Variants in TAFA2 observed in about 807,000 individuals in gnomAD.
TAFA2 encodes TAFA chemokine like family member 2.
A neutral mutation model predicts 18.8 loss-of-function variants in TAFA2; 7 were observed. That is an observed-to-expected ratio of 0.37 (90% CI 0.21 to 0.70). The LOEUF (loss-of-function observed/expected upper bound fraction) is 0.70. Among genes scored for constraint, TAFA2 ranks in the 30% least tolerant of loss-of-function variants. TAFA2 has a pLI of 0.53. For missense variants in TAFA2, 122 were observed against 158.1 expected (o/e 0.77, Z 1.23); for synonymous variants, 60 against 54.2 (o/e 1.11, Z -0.47).
intron 1 of TAFA2, among the ~76,000 whole-genome samples, chr12:62,175,490 A>G (rs2062506433): frequency 6.6e-6 from 1 of 152,180 alleles, no homozygotes; most frequent in Non-Finnish European, 1.5e-5. Context: ...TGCTCTGATT[A>G]TATTATCATT....
chr12:62,095,138 G>A (rs923309120), intron 1 of TAFA2, among the ~76,000 whole-genome samples: 4 of 151,830 alleles, frequency 2.6e-5, no homozygotes, highest in Admixed American at 1.3e-4. Flanking sequence ...ATTATTATAC[G>A]GTCTTAGAAA....
At chr12:61,972,358 A>G (rs575501944) in intron 1 of TAFA2, among the ~76,000 whole-genome samples, 1 of 151,620 alleles carries the variant, frequency 6.6e-6, no homozygotes, top group South Asian at 2.1e-4. Flanking sequence ...TACTACCTAT[A>G]GAAATGGAAA....
At position 61,807,240 on chromosome 12, in the gene TAFA2, G is replaced by A. The variant is rs145879208; in HGVS notation, c.107-52216C>T. On this transcript the variant is annotated intron_variant, in intron 2 of 4. Coordinates refer to ENST00000416284, the MANE Select transcript of TAFA2 (RefSeq NM_178539.5). ...GTACTGTGTCCCAGCTGCTCCAGCC[G>A]TGGCTGAAATGCGCCAATGTAAAGC... is the stretch of plus-strand genomic sequence containing the variant. Among the ~76,000 whole-genome samples, 985 of 151,504 alleles carry A rather than the reference G, an allele frequency of 6.5e-3. 13 individuals are homozygous for A. The highest frequency in any genetic ancestry group is 9.5e-3 in the Non-Finnish European group (648 of 68,024).
At chr12:62,083,704 T>C (rs1332608439) in intron 1 of TAFA2, among the ~76,000 whole-genome samples, 1 of 152,150 alleles carries the variant, frequency 6.6e-6, no homozygotes, top group Non-Finnish European at 1.5e-5. Context: ...GAGAAATGTG[T>C]CTTACACTTT....
intron 1 of TAFA2, among the ~76,000 whole-genome samples, chr12:62,088,584 AAACAGCCCTGTAG>A (rs78204046): frequency 0.22 from 32,829 of 146,892 alleles, 3,926 homozygotes; most frequent in Admixed American, 0.27. Flanking sequence ...ACTCTCGGGG[AAACAGCCCTGTAG>A]AGGGCCTGGA....
chr12:61,710,187 C>T lies in TAFA2; in HGVS notation c.*219G>A, dbSNP rs1869327511. On this transcript the variant is annotated 3_prime_UTR_variant, in exon 5 of 5. Coordinates refer to ENST00000416284, the MANE Select transcript of TAFA2 (RefSeq NM_178539.5). Reference sequence around the variant, plus strand: ...CTTTTAACAATTTACAAGTTGAACACAGTTCAAATCTGCTGAAATCTTCAT... The same window carrying T: ...CTTTTAACAATTTACAAGTTGAACATAGTTCAAATCTGCTGAAATCTTCAT... The T allele has an allele frequency of 2.0e-6, 1 of 501,738 alleles. No individual in the cohort carries two copies. Among genetic ancestry groups the T allele is most frequent in the Middle Eastern group, 3.0e-4 (1 of 3,384 alleles). 31.1% of individuals were successfully genotyped at this position (501,738 alleles called of 1,614,324 possible). A position where few individuals can be genotyped will look rare whatever the true frequency, so the allele number is the denominator to read the frequency against.
At chr12:61,821,348 A>T (rs1366941973) in intron 2 of TAFA2, among the ~76,000 whole-genome samples, 1 of 152,094 alleles carries the variant, frequency 6.6e-6, no homozygotes, top group Non-Finnish European at 1.5e-5. Context: ...GTTCCTTTTC[A>T]TAGCTAATCT....
intron 2 of TAFA2, among the ~76,000 whole-genome samples, chr12:61,853,647 A>T (rs1873769172): frequency 6.6e-6 from 1 of 152,188 alleles, no homozygotes; most frequent in East Asian, 1.9e-4. Context: ...AAGCTGTCTG[A>T]GAGGCAATTA....
chr12:61,959,210 T>G (rs1165162300), intron 1 of TAFA2, among the ~76,000 whole-genome samples: 1 of 152,002 alleles, frequency 6.6e-6, no homozygotes, highest in African/African-American at 2.4e-5. Flanking sequence ...ATTAAAAAAT[T>G]TGTTGGATTT....
chr12:62,103,168 G>T (rs191219737), intron 1 of TAFA2, among the ~76,000 whole-genome samples: 4 of 152,250 alleles, frequency 2.6e-5, no homozygotes, highest in African/African-American at 9.6e-5. Context: ...CAGAAGCATC[G>T]CACTGGAGGA....
At chr12:61,990,089 T>G (rs1879950745) in intron 1 of TAFA2, among the ~76,000 whole-genome samples, 1 of 152,108 alleles carries the variant, frequency 6.6e-6, no homozygotes, top group South Asian at 2.1e-4. Context: ...AGGAAAGAAT[T>G]CCATCTCACC....
At chr12:62,004,512 T>C (rs187805636) in intron 1 of TAFA2, among the ~76,000 whole-genome samples, 6 of 152,276 alleles carry the variant, frequency 3.9e-5, no homozygotes, top group Non-Finnish European at 5.9e-5. Context: ...AGCTGCACTG[T>C]AAAGTAGGAA....
chr12:61,796,124 TCTC>T (rs901518749), intron 2 of TAFA2, among the ~76,000 whole-genome samples: 54 of 152,116 alleles, frequency 3.5e-4, no homozygotes, highest in Admixed American at 6.6e-5. Context: ...ATACAATCAT[TCTC>T]CTCCTAGCAA....
intron 1 of TAFA2, among the ~76,000 whole-genome samples, chr12:62,209,928 C>T (rs1183492602): frequency 1.3e-5 from 2 of 152,176 alleles, no homozygotes; most frequent in Non-Finnish European, 2.9e-5. Flanking sequence ...TGGCCAGGCG[C>T]AGGGGCTCAC....
chr12:61,812,157 G>T (rs1363919674), intron 2 of TAFA2, among the ~76,000 whole-genome samples: 1 of 151,372 alleles, frequency 6.6e-6, no homozygotes, highest in Non-Finnish European at 1.5e-5. Flanking sequence ...CCTCAGCACA[G>T]ATGCAATTCC....
chr12:62,111,352 T>A (rs1467073532), intron 1 of TAFA2, among the ~76,000 whole-genome samples: 1 of 152,134 alleles, frequency 6.6e-6, no homozygotes, highest in Non-Finnish European at 1.5e-5. Flanking sequence ...GTCTGAGAGA[T>A]TGTTTGTTAT....
chr12:61,763,596 G>A (rs12425450), intron 2 of TAFA2, among the ~76,000 whole-genome samples: 2,132 of 151,930 alleles, frequency 0.014, 97 homozygotes, highest in Admixed American at 0.091. Context: ...AAAGAGGTAC[G>A]AGACCACTGA....
intron 1 of TAFA2, among the ~76,000 whole-genome samples, chr12:61,904,366 G>A (rs930256566): frequency 4.6e-5 from 7 of 152,182 alleles, no homozygotes; most frequent in South Asian, 2.1e-4. Context: ...AAGTGAGAAG[G>A]TAAAGATTTT....
chr12:62,129,997 A>G (rs994344140), intron 1 of TAFA2, among the ~76,000 whole-genome samples: 5 of 152,082 alleles, frequency 3.3e-5, no homozygotes, highest in African/African-American at 1.2e-4. Flanking sequence ...ATTACCCAGC[A>G]TATCAGATTA....
Sources: gnomAD v4.1 joint callset for allele counts (sites outside exome capture counted in the v4.1 genomes callset) on GRCh38, gnomAD v4.1.1 for gene constraint, MANE v1.5 for transcripts, NCBI Gene and HGNC (gene_info 2026-07-23, HGNC 2026-07-21) for gene names.